CACNA2D3: variants seen among roughly 807,000 people sequenced by gnomAD.
CACNA2D3 encodes the protein voltage-dependent calcium channel subunit alpha-2/delta-3.
CACNA2D3 carries 60 observed loss-of-function variants against 160.6 expected under a neutral mutation model. The observed-to-expected ratio is 0.37, with a 90% confidence interval of 0.30 to 0.46. The LOEUF (loss-of-function observed/expected upper bound fraction) is 0.46, where lower values mean the gene tolerates loss of function less well. CACNA2D3 is among the 20% of genes least tolerant of loss of function. The pLI is 1.00. For synonymous variants in CACNA2D3, 558 were observed against 492.9 expected (o/e 1.13, Z -1.75); for missense variants, 1,205 against 1,365.0 (o/e 0.88, Z 1.85).
chr3:54,525,299 C>G (rs1701707890), intron 5 of CACNA2D3, among the ~76,000 whole-genome samples: 1 of 152,094 alleles, frequency 6.6e-6, no homozygotes, highest in African/African-American at 2.4e-5. Context: ...ATGTTATAGA[C>G]CCAACCATAC....
chr3:54,895,052 A>G lies in CACNA2D3; in HGVS notation c.2247-1697A>G, dbSNP rs527563210. Among the ~76,000 whole-genome samples the G allele has an allele frequency of 1.7e-3, 257 of 152,276 alleles. 1 individual carries two copies. Among genetic ancestry groups the G allele is most frequent in the South Asian group, 8.7e-3 (42 of 4,822 alleles). On this transcript the variant is annotated intron_variant, in intron 25 of 37. Transcript: ENST00000474759. ...AGAGTCATTTTGTCAGTAAGAGTCAAGATCAAATGCAAGCAGCTATGCTAT... is the reference window on the plus strand; with the variant it reads ...AGAGTCATTTTGTCAGTAAGAGTCAGGATCAAATGCAAGCAGCTATGCTAT...
At chr3:55,025,607 C>G (rs551819750) in intron 35 of CACNA2D3, among the ~76,000 whole-genome samples, 48 of 140,262 alleles carry the variant, frequency 3.4e-4, no homozygotes, top group African/African-American at 1.2e-3. Context: ...GCACTCCAGC[C>G]TGGGTGACAG....
At chr3:54,771,327 A>G (rs1172833837) in intron 13 of CACNA2D3, among the ~76,000 whole-genome samples, 2 of 152,212 alleles carry the variant, frequency 1.3e-5, no homozygotes, top group African/African-American at 2.4e-5. Context: ...TTTAAACAGC[A>G]CAAGTGTATC....
chr3:54,299,632 A>G (rs191359158), intron 2 of CACNA2D3, among the ~76,000 whole-genome samples: 94 of 152,340 alleles, frequency 6.2e-4, no homozygotes, highest in African/African-American at 2.2e-3. Context: ...GAATGCAAGA[A>G]AAGACAGATA....
In CACNA2D3 at chr3:54,607,874, T is replaced by A. The variant is rs113123252; in HGVS notation, c.964-19913T>A. On this transcript the variant is annotated intron_variant, in intron 9 of 37. Transcript: ENST00000474759. ...GAATAAACAGACTATGGTACATTCA[T>A]ACAGAAGAACTGCTAAGTTAAAAAA... is the stretch of plus-strand genomic sequence containing the variant. Among the ~76,000 whole-genome samples, 1,362 of 152,336 alleles carry A rather than the reference T, an allele frequency of 8.9e-3. 9 individuals are homozygous for A. Among genetic ancestry groups the A allele is most frequent in the South Asian group, 0.016 (78 of 4,828 alleles).
At chr3:54,801,178 G>A (rs1702978243) in intron 13 of CACNA2D3, among the ~76,000 whole-genome samples, 1 of 151,898 alleles carries the variant, frequency 6.6e-6, no homozygotes, top group African/African-American at 2.4e-5. Context: ...ATTAGAGATG[G>A]GGTTTCACCA....
chr3:54,402,650 AG>A (rs1387139228), intron 4 of CACNA2D3, among the ~76,000 whole-genome samples: 1 of 152,234 alleles, frequency 6.6e-6, no homozygotes, highest in African/African-American at 2.4e-5. Context: ...ATTGACATTA[AG>A]GGAGAAATAG....
rs554383309 is a variant in CACNA2D3, at chr3:54,459,457, C to T, written c.382-44035C>T. The stretch of plus-strand genomic sequence containing the variant: ...TGTTGTTTCCTGACTTTTTAATGAT[C>T]GCCATTCTAACTGGTGTGAGATGGT... On this transcript the variant is annotated intron_variant, in intron 4 of 37. Transcript: ENST00000474759. 3.2e-3 allele frequency among the ~76,000 whole-genome samples: 485 copies of T among 149,720 alleles called. 1 individual carries two copies. The highest frequency in any genetic ancestry group is 0.011 in the African/African-American group (428 of 40,722).
At chr3:54,761,764 A>G (rs994622392) in intron 12 of CACNA2D3, among the ~76,000 whole-genome samples, 5 of 152,128 alleles carry the variant, frequency 3.3e-5, no homozygotes, top group African/African-American at 9.7e-5. Flanking sequence ...AGGAGTGACA[A>G]TGCATGCTAA....
chr3:54,252,353 A>G (rs1465308656), intron 2 of CACNA2D3, among the ~76,000 whole-genome samples: 3 of 152,208 alleles, frequency 2.0e-5, no homozygotes, highest in Admixed American at 6.5e-5. Context: ...CCAACTCATT[A>G]CAGAAATATG....
chr3:54,151,195 G>A (rs1490767651), intron 2 of CACNA2D3, among the ~76,000 whole-genome samples: 1 of 151,896 alleles, frequency 6.6e-6, no homozygotes, highest in African/African-American at 2.4e-5. Context: ...GAATGGATGG[G>A]TTGGTGGATA....
At chr3:54,255,389 A>G (rs1189584543) in intron 2 of CACNA2D3, among the ~76,000 whole-genome samples, 1 of 152,252 alleles carries the variant, frequency 6.6e-6, no homozygotes, top group Admixed American at 6.5e-5. Flanking sequence ...AAAGAACAGA[A>G]TGAAATGCGG....
At chr3:54,318,016 C>T (rs908247514) in intron 2 of CACNA2D3, among the ~76,000 whole-genome samples, 2 of 152,200 alleles carry the variant, frequency 1.3e-5, no homozygotes, top group Non-Finnish European at 2.9e-5. Context: ...TTGGGGGACA[C>T]ATTCAAACCA....
At chr3:55,017,791 T>C (rs1703359078) in intron 34 of CACNA2D3, among the ~76,000 whole-genome samples, 1 of 152,220 alleles carries the variant, frequency 6.6e-6, no homozygotes, top group Non-Finnish European at 1.5e-5. Flanking sequence ...CATATTTCAA[T>C]TTTCTTTCTA....
In CACNA2D3 at chr3:54,911,246, C is replaced by A. The variant is rs559515758; in HGVS notation, c.2449+11378C>A. On this transcript the variant is annotated intron_variant, in intron 27 of 37. Transcript: ENST00000474759. ...TCTCAAAAGTGTCATTTATTTTTTA[C>A]AATTTGTTTGAATCAGGATCTTCTT... Among the ~76,000 whole-genome samples the A allele has an allele frequency of 4.0e-5, 6 of 149,024 alleles. No homozygotes were observed. The South Asian group carries it at 1.3e-3, about 33-fold the overall frequency.
chr3:54,725,711 A>G (rs1320041443), intron 11 of CACNA2D3, among the ~76,000 whole-genome samples: 1 of 152,070 alleles, frequency 6.6e-6, no homozygotes, highest in East Asian at 1.9e-4. Flanking sequence ...AAAATTCAAC[A>G]CCCCTTCATG....
intron 3 of CACNA2D3, among the ~76,000 whole-genome samples, chr3:54,352,688 C>T (rs767734995): frequency 2.8e-4 from 42 of 152,168 alleles, no homozygotes; most frequent in Non-Finnish European, 5.6e-4. Flanking sequence ...GCAGCATGCT[C>T]CCAAATGTCA....
chr3:54,160,751 C>T (rs985307511), intron 2 of CACNA2D3, among the ~76,000 whole-genome samples: 2 of 152,142 alleles, frequency 1.3e-5, no homozygotes, highest in African/African-American at 2.4e-5. Flanking sequence ...GTTTTCTGTG[C>T]GGTAACTGAT....
At chr3:54,137,020 C>T (rs961926697) in intron 2 of CACNA2D3, among the ~76,000 whole-genome samples, 1 of 152,192 alleles carries the variant, frequency 6.6e-6, no homozygotes, top group Non-Finnish European at 1.5e-5. Context: ...CTGCCCTGTG[C>T]ACCTCTTCTC....
Sources: gnomAD v4.1 joint callset for allele counts (sites outside exome capture counted in the v4.1 genomes callset) on GRCh38, gnomAD v4.1.1 for gene constraint, MANE v1.5 for transcripts, NCBI Gene and HGNC (gene_info 2026-07-23, HGNC 2026-07-21) for gene names.